TLL2: variants seen among roughly 807,000 people sequenced by gnomAD.
The protein encoded by TLL2 is tolloid-like protein 2.
Under a neutral mutation model 123.0 loss-of-function variants are expected in TLL2, and 106 were observed. That is an observed-to-expected ratio of 0.86 (90% CI 0.74 to 1.01). TLL2 has a LOEUF of 1.01. TLL2 is among the 50% of genes least tolerant of loss of function. The pLI is 0.00. For missense variants in TLL2, 1,332 were observed against 1,336.7 expected (o/e 1.00, Z 0.06); for synonymous variants, 494 against 516.8 (o/e 0.96, Z 0.60).
At chr10:96,499,519 C>G (rs1847511032) in intron 1 of TLL2, among the ~76,000 whole-genome samples, 1 of 152,066 alleles carries the variant, frequency 6.6e-6, no homozygotes, top group African/African-American at 2.4e-5. Flanking sequence ...CTAACTGGAC[C>G]CTGATGGACA....
At chr10:96,474,728 A>G (rs1184023734) in intron 2 of TLL2, among the ~76,000 whole-genome samples, 3 of 152,218 alleles carry the variant, frequency 2.0e-5, no homozygotes, top group Non-Finnish European at 2.9e-5. Context: ...TAGGACTGCC[A>G]TGCAATCTAC....
At chr10:96,479,608 A>T (rs1847291411) in intron 2 of TLL2, among the ~76,000 whole-genome samples, 1 of 152,010 alleles carries the variant, frequency 6.6e-6, no homozygotes, top group Non-Finnish European at 1.5e-5. Context: ...GGGAGAGGAG[A>T]CTCCATCAAG....
At chr10:96,503,801 TC>T (rs1439076601) in intron 1 of TLL2, among the ~76,000 whole-genome samples, 1 of 152,202 alleles carries the variant, frequency 6.6e-6, no homozygotes, top group East Asian at 1.9e-4. Context: ...CTTGTCAGAT[TC>T]CTAGACAAGG....
At chr10:96,411,029 G>A (rs940452896) in intron 8 of TLL2, among the ~76,000 whole-genome samples, 13 of 152,186 alleles carry the variant, frequency 8.5e-5, no homozygotes, top group African/African-American at 2.9e-4. Flanking sequence ...GTCATTTGAG[G>A]TCAGGAGTTC....
intron 16 of TLL2, among the ~76,000 whole-genome samples, 177 bp downstream of exon 16, chr10:96,384,410 A>T (rs897526741): frequency 5.3e-5 from 8 of 152,312 alleles, no homozygotes; most frequent in African/African-American, 1.9e-4. Flanking sequence ...AAACTAACAC[A>T]GCCACCAATA....
intron 16 of TLL2, 116 bp from the exon 17 acceptor site, chr10:96,379,208 T>TC: frequency 1.5e-6 from 2 of 1,311,240 alleles, no homozygotes; most frequent in Non-Finnish European, 2.1e-6. Flanking sequence ...TTGCTCCCCT[T>TC]CCCCCTCTGA....
intron 9 of TLL2, among the ~76,000 whole-genome samples, chr10:96,407,728 A>G (rs1564900656): frequency 1.3e-5 from 2 of 152,192 alleles, no homozygotes; most frequent in African/African-American, 2.4e-5. Context: ...GACAAATCAC[A>G]TCTTCCACAA....
rs1190089789 is a variant in TLL2, at chr10:96,366,379, G to A, written c.*1709C>T. The A allele has an allele frequency of 6.5e-6, 1 of 152,686 alleles. No homozygotes were observed. Among genetic ancestry groups the A allele is most frequent in the Non-Finnish European group, 1.5e-5 (1 of 68,072 alleles). The allele number at this position is 152,686 out of a possible 1,614,324, so 9.5% of individuals were successfully genotyped here. ...CCTGCAGGGCCCACAGTAAAGCGAG[G>A]ACCAGGGGTTGGCATTTTCCACACT... On this transcript the variant is annotated 3_prime_UTR_variant, in exon 21 of 21. Transcript: ENST00000357947.
intron 2 of TLL2, among the ~76,000 whole-genome samples, chr10:96,474,034 C>A (rs896045143): frequency 6.6e-5 from 10 of 152,192 alleles, no homozygotes; most frequent in African/African-American, 2.4e-4. Flanking sequence ...CTAAGTACTT[C>A]CTTCACTACA....
chr10:96,420,929 A>G (rs1482230206), intron 7 of TLL2, 27 bp downstream of exon 7: 9 of 1,606,228 alleles, frequency 5.6e-6, no homozygotes, highest in Middle Eastern at 1.7e-4. Flanking sequence ...AGTAAAACAC[A>G]GACGAGGCAT....
intron 2 of TLL2, among the ~76,000 whole-genome samples, chr10:96,469,176 G>T (rs1241716248): frequency 1.3e-5 from 2 of 152,352 alleles, no homozygotes; most frequent in Non-Finnish European, 2.9e-5. Context: ...CTCTGACAGA[G>T]GGATTTCAGG....
At chr10:96,397,109 G>A (rs1846349565) in intron 11 of TLL2, 77 bp downstream of exon 11, 1 of 1,347,978 alleles carries the variant, frequency 7.4e-7, no homozygotes, top group African/African-American at 1.5e-5. Flanking sequence ...TCTGGGCTGG[G>A]AGAGGGACAG....
rs1202503484 is a variant in TLL2, at chr10:96,366,899, T to C, written c.*1189A>G. Reference sequence around the variant, plus strand: ...ACTACCTCACTGTTTAAATTATACCTTGAGGTGCTAAAATTATGTAAACAT... The same window carrying C: ...ACTACCTCACTGTTTAAATTATACCCTGAGGTGCTAAAATTATGTAAACAT... On this transcript the variant is annotated 3_prime_UTR_variant, in exon 21 of 21. Transcript: ENST00000357947. 2.6e-5 allele frequency: 4 copies of C among 152,690 alleles called. No homozygotes were observed. The highest frequency in any genetic ancestry group is 9.6e-5 in the African/African-American group (4 of 41,466). The allele number at this position is 152,690 out of a possible 1,614,324, so 9.5% of individuals were successfully genotyped here.
At position 96,419,998 on chromosome 10, in the gene TLL2, G is replaced by C. The variant is rs529748952; in HGVS notation, c.923+958C>G. ...AACTCTGAGCACTAAACTTATTCTGGGCCTCAACTTAGCTTTCTAGCCATA... is the reference window on the plus strand; with the variant it reads ...AACTCTGAGCACTAAACTTATTCTGCGCCTCAACTTAGCTTTCTAGCCATA... On this transcript the variant is annotated intron_variant, in intron 7 of 20. Coordinates refer to ENST00000357947, the MANE Select transcript of TLL2 (RefSeq NM_012465.4). 1.6e-3 allele frequency among the ~76,000 whole-genome samples: 238 copies of C among 152,216 alleles called. 1 individual carries two copies. The highest frequency in any genetic ancestry group is 5.6e-3 in the African/African-American group (233 of 41,538).
chr10:96,506,913 G>A, intron 1 of TLL2, among the ~76,000 whole-genome samples: 1 of 152,154 alleles, frequency 6.6e-6, no homozygotes, highest in East Asian at 1.9e-4. Context: ...TATGGGCTCT[G>A]TCCACAGAGG....
At chr10:96,448,919 A>T (rs988028313) in intron 2 of TLL2, among the ~76,000 whole-genome samples, 5 of 152,134 alleles carry the variant, frequency 3.3e-5, no homozygotes, top group African/African-American at 1.2e-4. Flanking sequence ...AGTGAACTAG[A>T]TGGGATCCAG....
At chr10:96,405,041 T>C (rs189233592) in intron 10 of TLL2, among the ~76,000 whole-genome samples, 191 bp downstream of exon 10, 95 of 152,352 alleles carry the variant, frequency 6.2e-4, no homozygotes, top group African/African-American at 2.1e-3. Context: ...GTGGAATTGC[T>C]GGGTCAAAGG....
At position 96,421,059 on chromosome 10, in the gene TLL2, G is replaced by C; in HGVS notation, c.820C>G (p.Gln274Glu). The C allele has an allele frequency of 6.2e-7, 1 of 1,612,832 alleles. No homozygotes were observed. The highest frequency in any genetic ancestry group is 1.1e-5 in the South Asian group (1 of 91,044). The change falls in exon 7 of 21, where the codon CAG (glutamine) becomes GAG (glutamate). Residue 274 changes from glutamine to glutamate, a missense_variant and splice_region_variant. By Grantham distance (29) the Gln-to-Glu change is conservative (BLOSUM62 2). Coordinates refer to ENST00000357947, the MANE Select transcript of TLL2 (RefSeq NM_012465.4). Reference protein sequence around the residue: ...TIIRENIQPGQEYNFLKMEAG... With the variant: ...TIIRENIQPGEEYNFLKMEAG... The stretch of plus-strand genomic sequence containing the variant: ...TCCATTTTTAAGAAATTATACTCCT[G>C]ACCTGTGACACAACACTGTGTTAAG...
chr10:96,454,029 A>ACG (rs1846986466), intron 2 of TLL2, among the ~76,000 whole-genome samples: 2 of 152,048 alleles, frequency 1.3e-5, no homozygotes, highest in Non-Finnish European at 2.9e-5. Flanking sequence ...ACACACACAC[A>ACG]CACACACATA....
Sources: allele counts gnomAD v4.1 joint callset (sites outside exome capture counted in the v4.1 genomes callset), GRCh38; gene constraint gnomAD v4.1.1; transcripts MANE v1.5; gene names NCBI Gene and HGNC (gene_info 2026-07-23, HGNC 2026-07-21).